The following AACS variants were observed in gnomAD, a reference collection of about 807,000 sequenced individuals.
AACS encodes acetoacetate-CoA ligase.
Under a neutral mutation model 83.1 loss-of-function variants are expected in AACS, and 69 were observed. The observed-to-expected ratio is 0.83, with a 90% CI of 0.68 to 1.01. AACS has a LOEUF of 1.01. Ranked by LOEUF, AACS falls within the 50% of genes least tolerant of loss-of-function variation. The pLI, the probability that AACS is intolerant of heterozygous loss-of-function variation, is 0.00. For missense variants in AACS, 866 were observed against 882.2 expected, an observed-to-expected ratio of 0.98 and a Z score of 0.23; for synonymous variants, 333 against 343.4, an observed-to-expected ratio of 0.97 and a Z score of 0.33.
intron 14 of AACS, among the ~76,000 whole-genome samples, chr12:125,133,697 C>G (rs2136137591): frequency 6.6e-6 from 1 of 152,370 alleles, no homozygotes; most frequent in African/African-American, 2.4e-5. Context: ...TCTCCAGACA[C>G]TCCTGTTGAC....
intron 3 of AACS, among the ~76,000 whole-genome samples, chr12:125,077,440 G>A (rs1170262702): frequency 6.6e-6 from 1 of 151,184 alleles, no homozygotes; most frequent in Non-Finnish European, 1.5e-5. Flanking sequence ...AACCCAGGAG[G>A]CGGAGCTTGC....
At chr12:125,087,461 G>C (rs1022875100) in intron 4 of AACS, among the ~76,000 whole-genome samples, 3 of 152,242 alleles carry the variant, frequency 2.0e-5, no homozygotes, top group Admixed American at 2.0e-4. Flanking sequence ...GATGCAGGTA[G>C]GTGTGTACAT....
Position 125,065,538 on chromosome 12 carries a change from C to T in AACS, c.-47C>T. ...TCCCCGGCCCTCGCCTCAGCCCCGGCCCCTGGTCCCCAGCCCTCGTCGCAG... is the reference window on the plus strand; with the variant it reads ...TCCCCGGCCCTCGCCTCAGCCCCGGTCCCTGGTCCCCAGCCCTCGTCGCAG... On this transcript the variant is annotated 5_prime_UTR_variant, in exon 1 of 18. Coordinates refer to ENST00000316519, the MANE Select transcript of AACS (RefSeq NM_023928.5). 6.8e-7 allele frequency: 1 copy of T among 1,460,878 alleles called. No homozygotes were observed. Among genetic ancestry groups the T allele is most frequent in the Non-Finnish European group, 9.0e-7 (1 of 1,106,646 alleles). The allele number at this position is 1,460,878 out of a possible 1,614,324, so 90.5% of individuals were successfully genotyped here.
chr12:125,066,389 C>G (rs1158745560), intron 1 of AACS, among the ~76,000 whole-genome samples: 1 of 151,386 alleles, frequency 6.6e-6, no homozygotes, highest in African/African-American at 2.4e-5. Flanking sequence ...TGAGCTCTAG[C>G]TGGCTTGCCC....
chr12:125,075,488 C>T lies in AACS; in HGVS notation c.238-1003C>T, dbSNP rs182497114. Among the ~76,000 whole-genome samples the T allele has an allele frequency of 5.8e-3, 883 of 151,622 alleles. 3 individuals are homozygous for T. The highest frequency in any genetic ancestry group is 0.01 in the Non-Finnish European group (693 of 67,966). On this transcript the variant is annotated intron_variant, in intron 2 of 17. Coordinates refer to ENST00000316519, the MANE Select transcript of AACS (RefSeq NM_023928.5). Reference sequence around the variant, plus strand: ...TGCATTTTTAGTAGAGATGGGGTTTCACCATGTTGGCCAGGCTGGTCTTAA... The same window carrying T: ...TGCATTTTTAGTAGAGATGGGGTTTTACCATGTTGGCCAGGCTGGTCTTAA...
chr12:125,086,080 T>G (rs1363752195), intron 3 of AACS, among the ~76,000 whole-genome samples: 3 of 152,206 alleles, frequency 2.0e-5, no homozygotes, highest in Non-Finnish European at 2.9e-5. Context: ...CATGAGCCCC[T>G]GCACCGGGCC....
chr12:125,065,561 CA>C lies in AACS; in HGVS notation c.-23del, dbSNP rs1565916454. On this transcript the variant is annotated 5_prime_UTR_variant, in exon 1 of 18. Coordinates refer to ENST00000316519, the MANE Select transcript of AACS (RefSeq NM_023928.5). ...GGCCCCTGGTCCCCAGCCCTCGTCG[CA>C]GCCCCGGCCGCCCGCCGCCGCCATG... 1 of 1,500,044 alleles carries C rather than the reference CA, an allele frequency of 6.7e-7. No homozygotes were observed. 92.9% of individuals were successfully genotyped at this position (1,500,044 alleles called of 1,614,324 possible). A position where few individuals can be genotyped will look rare whatever the true frequency, so the allele number is the denominator to read the frequency against.
chr12:125,095,716 T>G (rs1276824964), intron 5 of AACS, among the ~76,000 whole-genome samples: 1 of 152,140 alleles, frequency 6.6e-6, no homozygotes, highest in Non-Finnish European at 1.5e-5. Context: ...GCTTTCTGGG[T>G]TTCCTCCTCT....
intron 6 of AACS, 100 bp downstream of exon 6, chr12:125,102,893 G>T: frequency 1.4e-6 from 2 of 1,427,530 alleles, no homozygotes; most frequent in Non-Finnish European, 2.0e-6. Context: ...GCCCCAGATT[G>T]TGTTATATTC....
intron 4 of AACS, among the ~76,000 whole-genome samples, chr12:125,089,414 T>C (rs1220141450): frequency 2.0e-5 from 3 of 152,180 alleles, no homozygotes; most frequent in Admixed American, 6.5e-5. Flanking sequence ...GCCTTGTTCA[T>C]GGCCCTTCGT....
intron 2 of AACS, among the ~76,000 whole-genome samples, chr12:125,074,690 G>A (rs1318375358): frequency 7.8e-6 from 1 of 128,700 alleles, no homozygotes; most frequent in African/African-American, 3.0e-5. Flanking sequence ...TTGAGGTGGA[G>A]TCTTGCTCTA....
At chr12:125,142,044 C>A (rs556829383) in intron 17 of AACS, 48 bp from the exon 18 acceptor site, 6 of 1,608,510 alleles carry the variant, frequency 3.7e-6, no homozygotes, top group Admixed American at 1.7e-5. Context: ...TGCGGATTTT[C>A]CCCCCTTCAG....
At chr12:125,116,712 G>A (rs1361901213) in intron 9 of AACS, among the ~76,000 whole-genome samples, 1 of 152,040 alleles carries the variant, frequency 6.6e-6, no homozygotes, top group African/African-American at 2.4e-5. Flanking sequence ...TGATCCGCCT[G>A]CCTCGGCCTC....
At chr12:125,138,523 C>G (rs559318189) in intron 17 of AACS, 1 of 152,282 alleles carries the variant, frequency 6.6e-6, no homozygotes, top group East Asian at 1.9e-4. Flanking sequence ...ATCCCCTTGG[C>G]TTTATATTAT....
At chr12:125,115,806 C>G (rs746298083) in intron 9 of AACS, among the ~76,000 whole-genome samples, 1 of 151,954 alleles carries the variant, frequency 6.6e-6, no homozygotes, top group Non-Finnish European at 1.5e-5. Context: ...GGGACAGACC[C>G]CTGGGACTGC....
intron 16 of AACS, among the ~76,000 whole-genome samples, chr12:125,135,469 C>T (rs560026964): frequency 2.4e-4 from 36 of 152,330 alleles, no homozygotes; most frequent in Non-Finnish European, 1.5e-5. Flanking sequence ...GGTCACACAG[C>T]ATCATGCAGG....
At chr12:125,085,602 A>G (rs1315956117) in intron 3 of AACS, among the ~76,000 whole-genome samples, 2 of 152,240 alleles carry the variant, frequency 1.3e-5, no homozygotes, top group Admixed American at 1.3e-4. Flanking sequence ...TCGTGGAACT[A>G]CACACATGCA....
chr12:125,111,675 G>A (rs1458245819), intron 8 of AACS, among the ~76,000 whole-genome samples: 2 of 152,202 alleles, frequency 1.3e-5, no homozygotes, highest in East Asian at 3.8e-4. Context: ...GTGGGGTTCT[G>A]TTACTGGTTT....
chr12:125,069,386 A>AG (rs2136027443), intron 1 of AACS, among the ~76,000 whole-genome samples: 1 of 152,326 alleles, frequency 6.6e-6, no homozygotes, highest in East Asian at 1.9e-4. Flanking sequence ...CAAGGTTGGC[A>AG]GGACGTTTCT....
Sources: allele counts gnomAD v4.1 joint callset (sites outside exome capture counted in the v4.1 genomes callset), GRCh38; gene constraint gnomAD v4.1.1; transcripts MANE v1.5; gene names NCBI Gene and HGNC (gene_info 2026-07-23, HGNC 2026-07-21).